Variants in TTPAL observed in about 807,000 individuals in gnomAD.
TTPAL encodes the protein alpha tocopherol transfer protein like.
TTPAL carries 21 observed loss-of-function variants against 28.7 expected under a neutral mutation model. That is an observed-to-expected ratio of 0.73 (90% CI 0.52 to 1.06). The LOEUF (loss-of-function observed/expected upper bound fraction) is 1.06, where lower values mean the gene tolerates loss of function less well. Ranked by LOEUF, TTPAL falls within the 50% of genes least tolerant of loss-of-function variation. The probability of loss-of-function intolerance (pLI) is 0.00; values close to 1 mark genes in which losing one functional copy is unlikely to be tolerated. For missense variants in TTPAL, 345 were observed against 425.5 expected (o/e 0.81, Z 1.67); for synonymous variants, 169 against 171.9 (o/e 0.98, Z 0.13).
In TTPAL at chr20:44,489,886, C is replaced by A; in HGVS notation, c.*345C>A. On this transcript the variant is annotated 3_prime_UTR_variant, in exon 5 of 5. Transcript: ENST00000262605. ...AAGCAAGAACAATCAGGACCAAAGT[C>A]ACTTTGATCCCACTTTTCCAGGAGA... 1 of 228,420 alleles carries A rather than the reference C, an allele frequency of 4.4e-6. No homozygotes were observed. The highest frequency in any genetic ancestry group is 8.7e-6 in the Non-Finnish European group (1 of 114,932). 14.1% of individuals were successfully genotyped at this position (228,420 alleles called of 1,614,324 possible). A position where few individuals can be genotyped will look rare whatever the true frequency, so the allele number is the denominator to read the frequency against.
Position 44,494,236 on chromosome 20 carries a change from G to A in TTPAL, c.*4695G>A, listed in dbSNP as rs1210160370. ...TCTCACTGGGCAGCAGGTTTAGTGA[G>A]GCAGTGAGATGCTGCTGCTGTGGAT... is the stretch of plus-strand genomic sequence containing the variant. On this transcript the variant is annotated 3_prime_UTR_variant, in exon 5 of 5. Coordinates refer to ENST00000262605, the MANE Select transcript of TTPAL (RefSeq NM_001039199.3). The A allele has an allele frequency of 1.3e-5, 2 of 152,660 alleles. No homozygotes were observed. The highest frequency in any genetic ancestry group is 2.9e-5 in the Non-Finnish European group (2 of 68,040). The allele number at this position is 152,660 out of a possible 1,614,324, so 9.5% of individuals were successfully genotyped here.
intron 1 of TTPAL, among the ~76,000 whole-genome samples, chr20:44,478,331 CA>C (rs937867168): frequency 5.9e-5 from 9 of 152,342 alleles, no homozygotes; most frequent in Admixed American, 5.9e-4. Flanking sequence ...GCAGTCCCAA[CA>C]AAGGTTTGGC....
At position 44,492,415 on chromosome 20, in the gene TTPAL, T is replaced by TA. The variant is rs1330331461; in HGVS notation, c.*2877dup. ...GTGGTGTCGGAAGGAAATGGGACAG[T>TA]AAATTAGGAGACGCGGGCTCCACCT... On this transcript the variant is annotated 3_prime_UTR_variant, in exon 5 of 5. Coordinates refer to ENST00000262605, the MANE Select transcript of TTPAL (RefSeq NM_001039199.3). The TA allele has an allele frequency of 6.6e-6, 1 of 152,468 alleles. No homozygotes were observed. Among genetic ancestry groups the TA allele is most frequent in the East Asian group, 1.9e-4 (1 of 5,326 alleles). The allele number at this position is 152,468 out of a possible 1,614,324, so 9.4% of individuals were successfully genotyped here.
chr20:44,483,095 T>C (rs1219140579), intron 2 of TTPAL, among the ~76,000 whole-genome samples: 1 of 152,172 alleles, frequency 6.6e-6, no homozygotes, highest in African/African-American at 2.4e-5. Context: ...TGACCTCCAA[T>C]GATCCACCCA....
At position 44,489,358 on chromosome 20, in the gene TTPAL, C is replaced by A. The variant is rs138479504; in HGVS notation, c.846C>A (p.Asp282Glu). 568 of 1,614,190 alleles carry A rather than the reference C, an allele frequency of 3.5e-4. 2 individuals carry two copies. The African/African-American group carries it at 7.0e-3, about 20-fold the overall frequency. Residue 282 changes from aspartate to glutamate, a missense_variant, in exon 5 of 5, where the codon GAC becomes GAA. By Grantham distance (45) the Asp-to-Glu change is conservative. Coordinates refer to ENST00000262605, the MANE Select transcript of TTPAL (RefSeq NM_001039199.3). ...KEYGGTAGEL[D>E]TATWNAVLLA... ...ATGGGGGCACGGCTGGGGAGCTGGACACTGCCACCTGGAACGCGGTACTGC... is the reference window on the plus strand; with the variant it reads ...ATGGGGGCACGGCTGGGGAGCTGGAAACTGCCACCTGGAACGCGGTACTGC...
In TTPAL at chr20:44,491,375, T is replaced by G. The variant is rs2064204584; in HGVS notation, c.*1834T>G. On this transcript the variant is annotated 3_prime_UTR_variant, in exon 5 of 5. Transcript: ENST00000262605. Reference sequence around the variant, plus strand: ...CATGGTGTTAAATAGTGAAAAGTACTGTGTTGTGTGTGCACCTTCTCCGTG... The same window carrying G: ...CATGGTGTTAAATAGTGAAAAGTACGGTGTTGTGTGTGCACCTTCTCCGTG... 2 of 152,280 alleles carry G rather than the reference T, an allele frequency of 1.3e-5. No individual in the cohort carries two copies. Among genetic ancestry groups the G allele is most frequent in the Admixed American group, 1.3e-4 (2 of 15,266 alleles). The allele number at this position is 152,280 out of a possible 1,614,324, so 9.4% of individuals were successfully genotyped here.
chr20:44,489,162 C>A, intron 4 of TTPAL, 101 bp from the exon 5 acceptor site: 2 of 1,334,790 alleles, frequency 1.5e-6, no homozygotes, highest in Non-Finnish European at 2.0e-6. Flanking sequence ...CATTTCCTTT[C>A]TTCATTCAAC....
At chr20:44,483,824 G>C (rs186629711) in intron 2 of TTPAL, among the ~76,000 whole-genome samples, 3 of 152,042 alleles carry the variant, frequency 2.0e-5, no homozygotes, top group Non-Finnish European at 4.4e-5. Context: ...TTTTGAGACA[G>C]GGTCTCACCC....
In TTPAL at chr20:44,491,407, T is replaced by C. The variant is rs957236520; in HGVS notation, c.*1866T>C. On this transcript the variant is annotated 3_prime_UTR_variant, in exon 5 of 5. Transcript: ENST00000262605. ...TGTGTGCACCTTCTCCGTGCATTTA[T>C]TAGACTAACCAGTCAAGCAGACAGC... The C allele has an allele frequency of 3.7e-4, 56 of 152,470 alleles. No homozygotes were observed. The highest frequency in any genetic ancestry group is 1.3e-3 in the African/African-American group (52 of 41,574). The allele number at this position is 152,470 out of a possible 1,614,324, so 9.4% of individuals were successfully genotyped here.
intron 2 of TTPAL, among the ~76,000 whole-genome samples, chr20:44,483,102 C>T (rs2064121484): frequency 6.6e-6 from 1 of 152,204 alleles, no homozygotes. Flanking sequence ...CAATGATCCA[C>T]CCACCTTGGC....
intron 1 of TTPAL, 103 bp from the exon 2 acceptor site, chr20:44,479,882 G>A (rs2064085354): frequency 2.1e-6 from 2 of 944,428 alleles, no homozygotes; most frequent in East Asian, 2.5e-5. Flanking sequence ...ACTGCCCTGA[G>A]GTTACTCGGT....
In TTPAL at chr20:44,481,653, G is replaced by A. The variant is rs533735076; in HGVS notation, c.445+1209G>A. Among the ~76,000 whole-genome samples the A allele has an allele frequency of 8.5e-5, 13 of 152,198 alleles. No individual in the cohort carries two copies. In the South Asian group the frequency reaches 2.1e-3, roughly 24 times the overall value. On this transcript the variant is annotated intron_variant, in intron 2 of 4. Coordinates refer to ENST00000262605, the MANE Select transcript of TTPAL (RefSeq NM_001039199.3). ...CCCTCTTTCGCTCATTCATATAAAC[G>A]CCCTCTTGAAGGGAAGTTTGATGGG...
In TTPAL at chr20:44,489,262, G is replaced by A. The variant is rs2064180790; in HGVS notation, c.751-1G>A. 3.1e-6 allele frequency: 5 copies of A among 1,610,920 alleles called. No homozygotes were observed. Among genetic ancestry groups the A allele is most frequent in the Non-Finnish European group, 4.2e-6 (5 of 1,177,480 alleles). ...TGTGTTTTCATTTCATTCCCTTTTA[G>A]TTCTTCCTCCATGGGTCTGACTTGA... is the stretch of plus-strand genomic sequence containing the variant. On this transcript the variant is annotated splice_acceptor_variant, in intron 4 of 4. Coordinates refer to ENST00000262605, the MANE Select transcript of TTPAL (RefSeq NM_001039199.3). LOFTEE classifies it high-confidence loss of function.
In TTPAL at chr20:44,490,846, G is replaced by A. The variant is rs906629817; in HGVS notation, c.*1305G>A. The A allele has an allele frequency of 5.9e-5, 9 of 152,128 alleles. No individual in the cohort carries two copies. The highest frequency in any genetic ancestry group is 2.2e-4 in the African/African-American group (9 of 41,338). The allele number at this position is 152,128 out of a possible 1,614,324, so 9.4% of individuals were successfully genotyped here. A position where few individuals can be genotyped will look rare whatever the true frequency, so the allele number is the denominator to read the frequency against. The stretch of plus-strand genomic sequence containing the variant: ...TAATCCCAGCACTTTGGGAGGCCAA[G>A]GTGTGCGGATCACAAGGTCAGGAGT... On this transcript the variant is annotated 3_prime_UTR_variant, in exon 5 of 5. Coordinates refer to ENST00000262605, the MANE Select transcript of TTPAL (RefSeq NM_001039199.3).
At position 44,476,001 on chromosome 20, in the gene TTPAL, C is replaced by G. The variant is rs1181646499; in HGVS notation, c.-16+10C>G. The G allele has an allele frequency of 6.6e-6, 1 of 152,358 alleles. No homozygotes were observed. The highest frequency in any genetic ancestry group is 1.5e-5 in the Non-Finnish European group (1 of 68,114). 9.4% of individuals were successfully genotyped at this position (152,358 alleles called of 1,614,324 possible). A position where few individuals can be genotyped will look rare whatever the true frequency, so the allele number is the denominator to read the frequency against. On this transcript the variant is annotated intron_variant, in intron 1 of 4. Transcript: ENST00000262605. The stretch of plus-strand genomic sequence containing the variant: ...GCCCGTAGTCGGGCCGGTGAGTGCC[C>G]GCGAGCCCATCCGTGTGCCCTGGGA...
In TTPAL at chr20:44,484,363, A is replaced by G. The variant is rs773873860; in HGVS notation, c.472A>G (p.Ile158Val). 4 of 1,583,880 alleles carry G rather than the reference A, an allele frequency of 2.5e-6. No homozygotes were observed. The highest frequency in any genetic ancestry group is 3.5e-6 in the Non-Finnish European group (4 of 1,156,112). ...PDRWIPSNYP[I>V]TENIRAIYLT... ...CAGATGGATACCAAGCAACTATCCAATTACTGAAAACATCCGAGCCATATA... is the reference window on the plus strand; with the variant it reads ...CAGATGGATACCAAGCAACTATCCAGTTACTGAAAACATCCGAGCCATATA... The change falls in exon 3 of 5, where the codon ATT becomes GTT. Residue 158 changes from isoleucine to valine, a missense_variant. Coordinates refer to ENST00000262605, the MANE Select transcript of TTPAL (RefSeq NM_001039199.3).
At chr20:44,483,274 C>G (rs1376855978) in intron 2 of TTPAL, among the ~76,000 whole-genome samples, 1 of 152,202 alleles carries the variant, frequency 6.6e-6, no homozygotes, top group Non-Finnish European at 1.5e-5. Flanking sequence ...GGCCCAAACT[C>G]TGGCACTGGA....
In TTPAL at chr20:44,489,577, CTTCTT is replaced by C. The variant is rs774680133; in HGVS notation, c.*43_*47del. 1.3e-5 allele frequency: 20 copies of C among 1,583,484 alleles called. No homozygotes were observed. The South Asian group carries it at 2.1e-4, about 16-fold the overall frequency. ...AGGGTCACCATCTTTAATTCTTTTCCTTCTTTTCTTTGGAGAGGCACAAGGAGAAT... is the reference window on the plus strand; with the variant it reads ...AGGGTCACCATCTTTAATTCTTTTCCTTCTTTGGAGAGGCACAAGGAGAAT... On this transcript the variant is annotated 3_prime_UTR_variant, in exon 5 of 5. Coordinates refer to ENST00000262605, the MANE Select transcript of TTPAL (RefSeq NM_001039199.3).
At position 44,480,556 on chromosome 20, in the gene TTPAL, CA is replaced by C; in HGVS notation, c.445+114del. ...TTTTTTACCCCTCCTTTGTTATAGT[CA>C]AGGCTCTTTTGATTGCAGATAACAC... On this transcript the variant is annotated intron_variant, in intron 2 of 4. Coordinates refer to ENST00000262605, the MANE Select transcript of TTPAL (RefSeq NM_001039199.3). This position sits in a 1 kb window ranked among gnomAD's most constrained non-coding sequence, Gnocchi z 4.1. The C allele has an allele frequency of 9.1e-7, 1 of 1,097,570 alleles. No individual in the cohort carries two copies. 68.0% of individuals were successfully genotyped at this position (1,097,570 alleles called of 1,614,324 possible).
Sources: gnomAD v4.1 joint callset for allele counts (sites outside exome capture counted in the v4.1 genomes callset) on GRCh38, gnomAD v4.1.1 for gene constraint, Gnocchi (gnomAD v3.1) non-coding constraint, MANE v1.5 for transcripts, NCBI Gene and HGNC (gene_info 2026-07-23, HGNC 2026-07-21) for gene names.